DLC1: variants seen among roughly 807,000 people sequenced by gnomAD.
DLC1 encodes rho GTPase-activating protein 7.
DLC1 carries 54 observed loss-of-function variants against 140.3 expected under a neutral mutation model. That is an observed-to-expected ratio of 0.38 (90% CI 0.31 to 0.48). The LOEUF is 0.48. DLC1 is among the 20% of genes least tolerant of loss of function. The pLI, the probability that DLC1 is intolerant of heterozygous loss-of-function variation, is 0.96. For missense variants in DLC1, 2,536 were observed against 1,907.0 expected (o/e 1.33, Z -6.14); for synonymous variants, 986 against 728.1 (o/e 1.35, Z -5.70).
chr8:13,553,858 G>T (rs1022305103), intron 1 of DLC1, among the ~76,000 whole-genome samples: 17 of 151,924 alleles, frequency 1.1e-4, no homozygotes, highest in African/African-American at 4.1e-4. Context: ...TATCTTACTC[G>T]AGGACATTTG....
At chr8:13,389,847 C>T (rs563917742) in intron 4 of DLC1, among the ~76,000 whole-genome samples, 1 of 152,034 alleles carries the variant, frequency 6.6e-6, no homozygotes, top group Non-Finnish European at 1.5e-5. Flanking sequence ...TGAAGGTAGT[C>T]GTGCTGTAAT....
chr8:13,603,102 T>C (rs1392830705), intron 1 of DLC1, among the ~76,000 whole-genome samples: 1 of 151,898 alleles, frequency 6.6e-6, no homozygotes, highest in African/African-American at 2.4e-5. Context: ...GCTGTTTTGT[T>C]TAATAAAGTT....
At chr8:13,268,528 G>T (rs1047957183) in intron 5 of DLC1, among the ~76,000 whole-genome samples, 4 of 152,112 alleles carry the variant, frequency 2.6e-5, no homozygotes, top group Admixed American at 1.3e-4. Context: ...GGGGCTACAG[G>T]TGCATGCCAC....
chr8:13,385,274 A>C (rs180736160), intron 4 of DLC1, among the ~76,000 whole-genome samples: 3 of 152,346 alleles, frequency 2.0e-5, no homozygotes, highest in East Asian at 3.9e-4. Context: ...AGTAACAACA[A>C]CAACAACACA....
At chr8:13,484,787 G>T (rs936968669) in intron 2 of DLC1, among the ~76,000 whole-genome samples, 1 of 151,870 alleles carries the variant, frequency 6.6e-6, no homozygotes, top group Non-Finnish European at 1.5e-5. Context: ...GAGGCCATCT[G>T]TCATATATAC....
intron 5 of DLC1, among the ~76,000 whole-genome samples, chr8:13,197,237 G>T (rs1212843055): frequency 6.6e-6 from 1 of 152,092 alleles, no homozygotes; most frequent in Non-Finnish European, 1.5e-5. Context: ...TTTGCTCTTG[G>T]CTAGAATTAT....
Position 13,409,094 on chromosome 8 carries a change from A to C in DLC1, c.1024-7475T>G, listed in dbSNP as rs550678151. Among the ~76,000 whole-genome samples, 157 of 152,018 alleles carry C rather than the reference A, an allele frequency of 1.0e-3. 1 individual carries two copies. The highest frequency in any genetic ancestry group is 1.7e-3 in the Non-Finnish European group (115 of 68,000). ...CTGTTGTAACTCTCTGATTCAGCCC[A>C]CTGGCCTCCGAATGTCAATCATCCT... On this transcript the variant is annotated intron_variant, in intron 2 of 17. Coordinates refer to ENST00000276297, the MANE Select transcript of DLC1 (RefSeq NM_182643.3).
At chr8:13,126,854 T>C (rs1444565432) in intron 5 of DLC1, among the ~76,000 whole-genome samples, 1 of 152,228 alleles carries the variant, frequency 6.6e-6, no homozygotes, top group East Asian at 1.9e-4. Context: ...TGCAACACTG[T>C]AAAACCTTAA....
chr8:13,489,543 A>C (rs1801141546), intron 2 of DLC1, among the ~76,000 whole-genome samples: 1 of 150,924 alleles, frequency 6.6e-6, no homozygotes, highest in African/African-American at 2.4e-5. Context: ...TAACTCATTT[A>C]ATATTTCTGA....
At chr8:13,576,016 T>G (rs946685800) in intron 1 of DLC1, among the ~76,000 whole-genome samples, 4 of 152,198 alleles carry the variant, frequency 2.6e-5, no homozygotes, top group Non-Finnish European at 4.4e-5. Context: ...GCTAGACCAC[T>G]GGCAATGGCC....
At chr8:13,450,452 CAAAAAAA>C (rs759911909) in intron 2 of DLC1, among the ~76,000 whole-genome samples, 11 of 53,368 alleles carry the variant, frequency 2.1e-4, no homozygotes, top group African/African-American at 8.3e-4. Context: ...GAGACTGTCT[CAAAAAAA>C]AAAAAAAAAA....
chr8:13,095,408 G>C (rs372892129), intron 10 of DLC1, 163 bp from the exon 11 acceptor site: 60 of 819,258 alleles, frequency 7.3e-5, no homozygotes, highest in East Asian at 6.2e-4. Context: ...TTCCCCAGTG[G>C]TACTGGCCAC....
At chr8:13,277,084 G>C (rs943624013) in intron 5 of DLC1, among the ~76,000 whole-genome samples, 1 of 152,156 alleles carries the variant, frequency 6.6e-6, no homozygotes, top group East Asian at 1.9e-4. Flanking sequence ...ACCTGGAAAG[G>C]CTGAGGCTGG....
intron 5 of DLC1, chr8:13,133,066 G>A (rs899272986): frequency 7.1e-5 from 111 of 1,553,146 alleles, no homozygotes; most frequent in Non-Finnish European, 9.4e-5. Context: ...ACCCACGGCG[G>A]CACCCGAGAC....
intron 2 of DLC1, among the ~76,000 whole-genome samples, chr8:13,444,465 C>T (rs1317375560): frequency 6.6e-6 from 1 of 152,012 alleles, no homozygotes; most frequent in Non-Finnish European, 1.5e-5. Context: ...AAAAAGAATT[C>T]CTGGTTTTAA....
intron 2 of DLC1, among the ~76,000 whole-genome samples, chr8:13,450,420 A>C (rs925665864): frequency 4.1e-4 from 55 of 134,496 alleles, no homozygotes; most frequent in Admixed American, 6.9e-4. Flanking sequence ...GTGCCACTGC[A>C]CTCCAGCCTG....
chr8:13,130,900 T>C (rs1267471313), intron 5 of DLC1, among the ~76,000 whole-genome samples: 1 of 152,216 alleles, frequency 6.6e-6, no homozygotes, highest in Non-Finnish European at 1.5e-5. Flanking sequence ...CAGTCTGCTG[T>C]GCTTCATTTT....
intron 4 of DLC1, among the ~76,000 whole-genome samples, chr8:13,348,691 C>T (rs769859502): frequency 6.6e-6 from 1 of 151,780 alleles, no homozygotes; most frequent in Non-Finnish European, 1.5e-5. Context: ...TCTCAAAACA[C>T]ATTATAGTGA....
chr8:13,175,592 A>G (rs1225070552), intron 5 of DLC1, among the ~76,000 whole-genome samples: 1 of 152,200 alleles, frequency 6.6e-6, no homozygotes, highest in Admixed American at 6.5e-5. Flanking sequence ...ACTCACAAAA[A>G]GTTGCAAAAG....
Sources: gnomAD v4.1 joint callset for allele counts (sites outside exome capture counted in the v4.1 genomes callset) on GRCh38, gnomAD v4.1.1 for gene constraint, MANE v1.5 for transcripts, NCBI Gene and HGNC (gene_info 2026-07-23, HGNC 2026-07-21) for gene names.